The following WNK2 variants were observed in gnomAD, a reference collection of about 807,000 sequenced individuals.
WNK2 encodes serine/threonine-protein kinase WNK2.
WNK2 carries 67 observed loss-of-function variants against 192.1 expected under a neutral mutation model. That is an observed-to-expected ratio of 0.35 (90% CI 0.29 to 0.43). WNK2 has a LOEUF of 0.43. Ranked by LOEUF, WNK2 falls within the 20% of genes least tolerant of loss-of-function variation. The probability of loss-of-function intolerance (pLI) is 1.00; values close to 1 mark genes in which losing one functional copy is unlikely to be tolerated. For missense variants in WNK2, 2,698 were observed against 3,089.7 expected (o/e 0.87, Z 3.01); for synonymous variants, 1,439 against 1,393.9 (o/e 1.03, Z -0.72).
rs567568094 is a variant in WNK2, at chr9:93,317,987, A to G, written c.6628+356A>G. 1.2e-5 allele frequency: 20 copies of G among 1,612,750 alleles called. No homozygotes were observed. The African/African-American group carries it at 2.5e-4, about 20-fold the overall frequency. Reference sequence around the variant, plus strand: ...CGAGGGGGACAGCGGGTGGGCAGCAAGACTGCTTCCTTTGCGGCTTCAGAC... The same window carrying G: ...CGAGGGGGACAGCGGGTGGGCAGCAGGACTGCTTCCTTTGCGGCTTCAGAC... On this transcript the variant is annotated intron_variant, in intron 29 of 29. Transcript: ENST00000427277.
chr9:93,228,252 C>T (rs778087467), intron 2 of WNK2, among the ~76,000 whole-genome samples: 27 of 151,964 alleles, frequency 1.8e-4, no homozygotes, highest in Non-Finnish European at 2.6e-4. Context: ...CTCATGGGCG[C>T]GGCTGCATTT....
rs1294204429 is a variant in WNK2, at chr9:93,257,486, G to T, written c.2382+347G>T. Among the ~76,000 whole-genome samples the T allele has an allele frequency of 6.6e-6, 1 of 152,164 alleles. No homozygotes were observed. The highest frequency in any genetic ancestry group is 1.5e-5 in the Non-Finnish European group (1 of 67,996). ...TGGGGTCCTTCAGGGAGGGCGGGCA[G>T]CCCAGTACCCCATCACCTGGCACCC... On this transcript the variant is annotated intron_variant, in intron 11 of 29. Transcript: ENST00000427277. The surrounding 1 kb of genome is among the most constrained non-coding windows in gnomAD (Gnocchi z 4.7).
chr9:93,207,750 C>T (rs539087341), intron 2 of WNK2, among the ~76,000 whole-genome samples: 1 of 152,258 alleles, frequency 6.6e-6, no homozygotes, highest in South Asian at 2.1e-4. Context: ...CAGGGAGGCT[C>T]GCTTGCTGCC....
chr9:93,191,957 A>G (rs754527115), intron 2 of WNK2, among the ~76,000 whole-genome samples: 40 of 147,520 alleles, frequency 2.7e-4, no homozygotes, highest in Non-Finnish European at 4.8e-4. Context: ...AACCCAGGAG[A>G]CAGGTTGCAG....
chr9:93,220,094 A>G (rs913089040), intron 2 of WNK2, among the ~76,000 whole-genome samples: 8 of 152,180 alleles, frequency 5.3e-5, no homozygotes, highest in Non-Finnish European at 1.0e-4. Flanking sequence ...GTGAATGAGC[A>G]TAGGTCCTGT....
rs148483360 is a variant in WNK2 at position 93,290,031 on chromosome 9, G to A, written c.4920G>A (p.Thr1640=). The stretch of plus-strand genomic sequence containing the variant: ...GAGGGGCCGTGATGGAGCAGGGCAC[G>A]TCCTCGTCAATGACAGGTAACAGCT... ...PTRGAVMEQG[T]SSSMTAESSP... Residue 1640 remains threonine (T), a synonymous_variant, in exon 21 of 30, where the codon ACG becomes ACA. Coordinates refer to ENST00000427277, the MANE Select transcript of WNK2 (RefSeq NM_006648.4). 2.6e-5 allele frequency: 41 copies of A among 1,574,702 alleles called. No individual in the cohort carries two copies. Among genetic ancestry groups the A allele is most frequent in the Non-Finnish European group, 3.3e-5 (38 of 1,159,162 alleles).
intron 19 of WNK2, among the ~76,000 whole-genome samples, chr9:93,279,486 C>A (rs1847402486): frequency 1.3e-5 from 2 of 152,142 alleles, no homozygotes; most frequent in African/African-American, 4.8e-5. Flanking sequence ...AGTATTGTTA[C>A]AGTGCTAATT....
At chr9:93,298,982 G>T in intron 24 of WNK2, 88 bp from the exon 25 acceptor site, 1 of 1,383,548 alleles carries the variant, frequency 7.2e-7, no homozygotes. Context: ...AGGTCACCCA[G>T]CAATAAGCAG....
chr9:93,245,944 C>G (rs144844991), intron 7 of WNK2, among the ~76,000 whole-genome samples: 1 of 152,262 alleles, frequency 6.6e-6, no homozygotes, highest in Non-Finnish European at 1.5e-5. Context: ...ATGGCTTCCC[C>G]TAGAGCAGAT....
intron 28 of WNK2, among the ~76,000 whole-genome samples, chr9:93,309,453 C>T (rs772667179): frequency 6.6e-5 from 10 of 152,178 alleles, no homozygotes; most frequent in Non-Finnish European, 1.3e-4. Context: ...TTCTGCCTTT[C>T]TGACAATTGG....
At chr9:93,270,270 A>G (rs1281859988) in intron 19 of WNK2, among the ~76,000 whole-genome samples, 1 of 152,246 alleles carries the variant, frequency 6.6e-6, no homozygotes, top group African/African-American at 2.4e-5. Flanking sequence ...AGGCATGTGC[A>G]CGGAAGGCCT....
At chr9:93,227,251 C>T (rs1020662689) in intron 2 of WNK2, among the ~76,000 whole-genome samples, 1 of 151,904 alleles carries the variant, frequency 6.6e-6, no homozygotes, top group Non-Finnish European at 1.5e-5. Context: ...GTAGCTGGGA[C>T]TACAGGCGCC....
chr9:93,318,004 G>C, intron 29 of WNK2: 1 of 1,612,794 alleles, frequency 6.2e-7, no homozygotes, highest in Non-Finnish European at 8.5e-7. Context: ...TTCCTTTGCG[G>C]CTTCAGACCC....
chr9:93,197,268 C>T (rs1831439460), intron 2 of WNK2, among the ~76,000 whole-genome samples: 2 of 152,198 alleles, frequency 1.3e-5, no homozygotes, highest in Admixed American at 1.3e-4. Flanking sequence ...TCCCACATCA[C>T]CTCCACCCCC....
At position 93,259,284 on chromosome 9, in the gene WNK2, C is replaced by T; in HGVS notation, c.2736C>T (p.Tyr912=). 9.3e-6 allele frequency: 15 copies of T among 1,613,670 alleles called. No individual in the cohort carries two copies. Among genetic ancestry groups the T allele is most frequent in the Non-Finnish European group, 1.2e-5 (14 of 1,179,796 alleles). Residue 912 remains tyrosine, a synonymous_variant, in exon 12 of 30, where the codon TAC becomes TAT. Transcript: ENST00000427277. The surrounding 1 kb of genome is among the most constrained non-coding windows in gnomAD (Gnocchi z 4.8). ...AVAQLPGQPV[Y]PAAFPQMAPT... ...CCCAGCTCCCAGGCCAACCTGTGTA[C>T]CCAGCGGCCTTCCCACAGATGGCGC... is the stretch of plus-strand genomic sequence containing the variant.
Position 93,267,733 on chromosome 9 carries a change from T to C in WNK2, c.3697-13T>C. 2 of 1,569,752 alleles carry C rather than the reference T, an allele frequency of 1.3e-6. No individual in the cohort carries two copies. Among genetic ancestry groups the C allele is most frequent in the South Asian group, 1.2e-5 (1 of 84,560 alleles). ...TTGCAGCTGGTCCTCACTGGCAGTA[T>C]GTCCCTTTGCAGGTGGAGCATGACT... On this transcript the variant is annotated splice_polypyrimidine_tract_variant and intron_variant, in intron 16 of 29. Coordinates refer to ENST00000427277, the MANE Select transcript of WNK2 (RefSeq NM_006648.4).
At chr9:93,304,836 A>T (rs1852219069) in intron 26 of WNK2, among the ~76,000 whole-genome samples, 1 of 152,136 alleles carries the variant, frequency 6.6e-6, no homozygotes, top group African/African-American at 2.4e-5. Context: ...GCCTTGAAAG[A>T]CTGGCACCCA....
In WNK2 at chr9:93,193,689, C is replaced by T. The variant is rs137925698; in HGVS notation, c.681+8079C>T. ...CTGGGTGGAGAGGACTGAGTGGGGA[C>T]GCTGGAGGTTGGCAACCTGAACACT... is the stretch of plus-strand genomic sequence containing the variant. On this transcript the variant is annotated intron_variant, in intron 2 of 29. Transcript: ENST00000427277. 2.1e-3 allele frequency among the ~76,000 whole-genome samples: 324 copies of T among 152,282 alleles called. 3 individuals carry two copies. Among genetic ancestry groups the T allele is most frequent in the African/African-American group, 7.3e-3 (305 of 41,562 alleles).
intron 5 of WNK2, among the ~76,000 whole-genome samples, chr9:93,237,109 AAGCAGTGGGGAGGGG>A (rs2132204175): frequency 6.6e-6 from 1 of 152,314 alleles, no homozygotes; most frequent in South Asian, 2.1e-4. Flanking sequence ...TCCTGGCTTC[AAGCAGTGGGGAGGGG>A]AGATTTGGAA....
Sources: gnomAD v4.1 joint callset for allele counts (sites outside exome capture counted in the v4.1 genomes callset) on GRCh38, gnomAD v4.1.1 for gene constraint, Gnocchi (gnomAD v3.1) non-coding constraint, MANE v1.5 for transcripts, NCBI Gene and HGNC (gene_info 2026-07-23, HGNC 2026-07-21) for gene names.